The following STX18 variants were observed in gnomAD, a reference collection of about 807,000 sequenced individuals.
STX18 encodes syntaxin 18.
Under a neutral mutation model 50.1 loss-of-function variants are expected in STX18, and 40 were observed. The ratio of observed to expected loss-of-function variants is 0.80; its 90% CI spans 0.62 to 1.04. The LOEUF (loss-of-function observed/expected upper bound fraction) is 1.04, where lower values mean the gene tolerates loss of function less well. Among genes scored for constraint, STX18 ranks in the 50% least tolerant of loss-of-function variants. The probability of loss-of-function intolerance (pLI) is 0.00; values close to 1 mark genes in which losing one functional copy is unlikely to be tolerated. For missense variants in STX18, 410 were observed against 415.8 expected, an observed-to-expected ratio of 0.99 and a Z score of 0.12; for synonymous variants, 158 against 151.8, an observed-to-expected ratio of 1.04 and a Z score of -0.30.
At chr4:4,507,558 T>G (rs748560496) in intron 1 of STX18, 1 of 766,272 alleles carries the variant, frequency 1.3e-6, no homozygotes, top group Non-Finnish European at 2.4e-6. Context: ...GTCCCAGGAG[T>G]GCACTCTGAC....
chr4:4,496,048 T>C (rs1729152558), intron 1 of STX18, among the ~76,000 whole-genome samples: 1 of 152,220 alleles, frequency 6.6e-6, no homozygotes. Flanking sequence ...CACGTTAAAC[T>C]TTCCATATAC....
At chr4:4,451,721 G>C (rs1409731854) in intron 5 of STX18, among the ~76,000 whole-genome samples, 1 of 152,176 alleles carries the variant, frequency 6.6e-6, no homozygotes, top group African/African-American at 2.4e-5. Flanking sequence ...TGTGTGCTCT[G>C]ACTGCTCCCC....
intron 2 of STX18, among the ~76,000 whole-genome samples, chr4:4,469,617 A>G (rs62289816): frequency 0.052 from 7,860 of 152,150 alleles, 364 homozygotes; most frequent in African/African-American, 0.13. Context: ...GAGCCAGATG[A>G]TGAAAACTGG....
intron 7 of STX18, 103 bp downstream of exon 7, chr4:4,434,667 G>A: frequency 1.2e-6 from 1 of 855,242 alleles, no homozygotes; most frequent in Non-Finnish European, 1.8e-6. Flanking sequence ...TTAAAACTCA[G>A]TATAAAAATA....
chr4:4,501,662 T>C (rs1039060317), intron 1 of STX18, among the ~76,000 whole-genome samples: 1 of 152,216 alleles, frequency 6.6e-6, no homozygotes, highest in African/African-American at 2.4e-5. Context: ...TAACAAAATG[T>C]AACCTATTCA....
At chr4:4,500,610 T>G (rs1040071599) in intron 1 of STX18, among the ~76,000 whole-genome samples, 1 of 152,230 alleles carries the variant, frequency 6.6e-6, no homozygotes, top group Non-Finnish European at 1.5e-5. Flanking sequence ...CATATAGCCC[T>G]CATATAAGTT....
At chr4:4,461,876 C>G in intron 2 of STX18, 1 of 456,272 alleles carries the variant, frequency 2.2e-6, no homozygotes, top group Middle Eastern at 3.3e-4. Flanking sequence ...CATATAGTCA[C>G]CACACCTTTC....
At chr4:4,439,138 T>C (rs1725956352) in intron 5 of STX18, among the ~76,000 whole-genome samples, 1 of 97,170 alleles carries the variant, frequency 1.0e-5, no homozygotes, top group Non-Finnish European at 1.8e-5. Context: ...ACAATATATA[T>C]ACCACATATA....
chr4:4,457,769 T>C (rs1431361014), intron 3 of STX18, among the ~76,000 whole-genome samples: 4 of 152,232 alleles, frequency 2.6e-5, no homozygotes, highest in African/African-American at 9.6e-5. Context: ...CAGCCACTTC[T>C]TGAGTGCTGA....
intron 3 of STX18, among the ~76,000 whole-genome samples, chr4:4,459,049 AACACACACACACGCAC>A (rs1329421138): frequency 8.2e-6 from 1 of 121,826 alleles, no homozygotes; most frequent in African/African-American, 3.6e-5. Flanking sequence ...TGCCACACAG[AACACACACACACGCAC>A]ACACACACAC....
rs181103620 is a variant in STX18, at chr4:4,477,511, C to G, written c.169-5805G>C. 3.9e-3 allele frequency among the ~76,000 whole-genome samples: 598 copies of G among 152,326 alleles called. 19 individuals are homozygous for G. The highest frequency in any genetic ancestry group is 0.034 in the Admixed American group (521 of 15,300). ...AGTCAGGCGGAAGTCCAAAAGAGCT[C>G]TGTGTGTGCTACTCACCCACTTCTC... On this transcript the variant is annotated intron_variant, in intron 1 of 10. Coordinates refer to ENST00000306200, the MANE Select transcript of STX18 (RefSeq NM_016930.4).
intron 6 of STX18, 143 bp downstream of exon 6, chr4:4,438,251 C>T (rs1725895562): frequency 1.6e-6 from 1 of 627,288 alleles, no homozygotes; most frequent in African/African-American, 1.9e-5. Context: ...GACACAAAGG[C>T]TGCCGCCTCC....
chr4:4,516,499 T>C (rs1316146822), intron 1 of STX18, among the ~76,000 whole-genome samples: 2 of 152,192 alleles, frequency 1.3e-5, no homozygotes, highest in Admixed American at 1.3e-4. Flanking sequence ...CCGACAGGAA[T>C]TGGCCATATT....
intron 5 of STX18, among the ~76,000 whole-genome samples, chr4:4,449,723 T>C (rs911641622): frequency 5.3e-5 from 8 of 152,216 alleles, no homozygotes; most frequent in African/African-American, 1.9e-4. Flanking sequence ...TTGTAATTAG[T>C]AAGTACCAGG....
rs528762491 is a variant in STX18, at chr4:4,442,577, A to G, written c.498-4068T>C. ...GGTTTGCAGTGAGCCGAGATCACCC[A>G]CTGCACTCCAGCCTGGGCGAAAGAA... is the stretch of plus-strand genomic sequence containing the variant. On this transcript the variant is annotated intron_variant, in intron 5 of 10. Coordinates refer to ENST00000306200, the MANE Select transcript of STX18 (RefSeq NM_016930.4). Among the ~76,000 whole-genome samples the G allele has an allele frequency of 2.0e-5, 3 of 152,244 alleles. No homozygotes were observed. In the South Asian group the frequency reaches 6.2e-4, roughly 32 times the overall value.
chr4:4,506,345 C>A (rs1261968983), intron 1 of STX18, among the ~76,000 whole-genome samples: 1 of 152,186 alleles, frequency 6.6e-6, no homozygotes, highest in African/African-American at 2.4e-5. Context: ...GTAACGGATA[C>A]TACTTAGTAA....
intron 6 of STX18, among the ~76,000 whole-genome samples, chr4:4,437,167 C>T (rs1725834947): frequency 6.6e-6 from 1 of 152,076 alleles, no homozygotes. Flanking sequence ...CCATGTTAGG[C>T]TGGTCTTGAT....
intron 1 of STX18, among the ~76,000 whole-genome samples, chr4:4,486,393 G>A (rs1295637378): frequency 1.3e-5 from 2 of 152,156 alleles, no homozygotes; most frequent in African/African-American, 4.8e-5. Context: ...AAATAGACAA[G>A]AAAAGAATTA....
chr4:4,431,927 C>T (rs34717902), intron 7 of STX18, among the ~76,000 whole-genome samples: 5,431 of 152,252 alleles, frequency 0.036, 111 homozygotes, highest in Non-Finnish European at 0.049. Flanking sequence ...CTCTAACCAC[C>T]GACTATACAA....
Sources: gnomAD v4.1 joint callset for allele counts (sites outside exome capture counted in the v4.1 genomes callset) on GRCh38, gnomAD v4.1.1 for gene constraint, MANE v1.5 for transcripts, NCBI Gene and HGNC (gene_info 2026-07-23, HGNC 2026-07-21) for gene names.